PTPRD: variants seen among roughly 807,000 people sequenced by gnomAD.
PTPRD encodes the protein receptor-type tyrosine-protein phosphatase delta.
Under a neutral mutation model 214.5 loss-of-function variants are expected in PTPRD, and 34 were observed. The observed-to-expected ratio is 0.16, with a 90% CI of 0.12 to 0.21. The LOEUF is 0.21. PTPRD is among the 10% of genes least tolerant of loss of function. The pLI is 1.00. For synonymous variants in PTPRD, 1,128 were observed against 845.7 expected (o/e 1.33, Z -5.79); for missense variants, 2,545 against 2,398.7 (o/e 1.06, Z -1.27).
chr9:10,417,272 C>T (rs542016803), intron 2 of PTPRD, among the ~76,000 whole-genome samples: 5 of 151,902 alleles, frequency 3.3e-5, no homozygotes, highest in African/African-American at 7.2e-5. Context: ...TTCTAATAAT[C>T]GACCTGTGTA....
chr9:10,072,125 G>A (rs904530571), intron 3 of PTPRD, among the ~76,000 whole-genome samples: 1 of 151,758 alleles, frequency 6.6e-6, no homozygotes, highest in African/African-American at 2.4e-5. Flanking sequence ...ACTTGTATAT[G>A]AAATATACAA....
At chr9:10,040,599 T>G (rs1307401163) in intron 3 of PTPRD, among the ~76,000 whole-genome samples, 1 of 152,052 alleles carries the variant, frequency 6.6e-6, no homozygotes, top group Non-Finnish European at 1.5e-5. Context: ...AGAGGCTATA[T>G]TTGGTTTCTG....
At chr9:9,100,298 A>G (rs2099789507) in intron 10 of PTPRD, among the ~76,000 whole-genome samples, 2 of 152,178 alleles carry the variant, frequency 1.3e-5, no homozygotes, top group Admixed American at 1.3e-4. Flanking sequence ...ATATGCCTGC[A>G]ACCCTGTAGC....
intron 8 of PTPRD, among the ~76,000 whole-genome samples, chr9:9,511,906 A>C (rs16924732): frequency 0.075 from 11,317 of 151,820 alleles, 459 homozygotes; most frequent in South Asian, 0.13. Flanking sequence ...TTTTCATAGA[A>C]GACCTAAAAC....
chr9:9,925,829 T>C (rs1293768004), intron 5 of PTPRD, among the ~76,000 whole-genome samples: 1 of 151,976 alleles, frequency 6.6e-6, no homozygotes, highest in Non-Finnish European at 1.5e-5. Context: ...AATCTCCCTT[T>C]GTTTGTTTGT....
chr9:8,479,460 G>C (rs2096834807), intron 30 of PTPRD, among the ~76,000 whole-genome samples: 1 of 152,128 alleles, frequency 6.6e-6, no homozygotes, highest in Admixed American at 6.5e-5. Flanking sequence ...TCTCATTTCT[G>C]TGATGTCAAA....
intron 4 of PTPRD, among the ~76,000 whole-genome samples, chr9:9,965,165 T>C (rs530109450): frequency 1.3e-5 from 2 of 152,186 alleles, no homozygotes; most frequent in African/African-American, 4.8e-5. Flanking sequence ...CCCTTAAAAA[T>C]TGCAAGAATA....
At chr9:9,485,442 T>A (rs1191293052) in intron 8 of PTPRD, among the ~76,000 whole-genome samples, 2 of 152,226 alleles carry the variant, frequency 1.3e-5, no homozygotes. Context: ...AATCTTAAAT[T>A]TTGATCACTT....
intron 7 of PTPRD, among the ~76,000 whole-genome samples, chr9:9,589,194 G>A (rs1305647297): frequency 6.6e-6 from 1 of 151,908 alleles, no homozygotes; most frequent in Non-Finnish European, 1.5e-5. Context: ...TTTATTTGGT[G>A]TGTATTTTTA....
At chr9:10,553,970 T>C (rs1321734686) in intron 2 of PTPRD, among the ~76,000 whole-genome samples, 2 of 152,174 alleles carry the variant, frequency 1.3e-5, no homozygotes, top group African/African-American at 2.4e-5. Context: ...TCTACCAATA[T>C]TGTTCTTTAA....
chr9:9,349,412 T>C (rs1178619163), intron 9 of PTPRD, among the ~76,000 whole-genome samples: 1 of 152,048 alleles, frequency 6.6e-6, no homozygotes, highest in Non-Finnish European at 1.5e-5. Flanking sequence ...ACAGAAACAC[T>C]GCAAGCAAGC....
intron 3 of PTPRD, among the ~76,000 whole-genome samples, chr9:10,057,831 G>A (rs1302286829): frequency 7.0e-6 from 1 of 143,384 alleles, no homozygotes; most frequent in Non-Finnish European, 1.5e-5. Context: ...AACAGAGTGA[G>A]ACTCCGTCTC....
intron 3 of PTPRD, among the ~76,000 whole-genome samples, chr9:10,198,131 A>G (rs1232395679): frequency 1.3e-5 from 2 of 152,146 alleles, no homozygotes; most frequent in African/African-American, 4.8e-5. Flanking sequence ...GTACTTTCAT[A>G]TTGTATATAT....
intron 2 of PTPRD, among the ~76,000 whole-genome samples, chr9:10,389,042 G>C (rs575993058): frequency 5.9e-5 from 9 of 151,820 alleles, no homozygotes; most frequent in African/African-American, 2.2e-4. Context: ...TTGTGATTTT[G>C]GCCCATATGT....
chr9:8,837,515 T>C lies in PTPRD; in HGVS notation c.-103-103569A>G, dbSNP rs79405825. Among the ~76,000 whole-genome samples the C allele has an allele frequency of 4.8e-3, 730 of 152,240 alleles. 4 individuals are homozygous for C. Among genetic ancestry groups the C allele is most frequent in the African/African-American group, 0.017 (702 of 41,506 alleles). On this transcript the variant is annotated intron_variant, in intron 11 of 45. Transcript: ENST00000381196. ...TTCCTTTTTTTGTTTTGTTTTGTTT[T>C]GTTTTGAGAAGAGGTCTCACTCTGT...
chr9:9,524,405 A>C (rs2073509871), intron 8 of PTPRD, among the ~76,000 whole-genome samples: 1 of 152,138 alleles, frequency 6.6e-6, no homozygotes, highest in South Asian at 2.1e-4. Context: ...TGCTTATTTA[A>C]ATATTCTCCT....
intron 4 of PTPRD, among the ~76,000 whole-genome samples, chr9:9,943,724 T>C (rs1425021762): frequency 6.6e-6 from 1 of 152,148 alleles, no homozygotes; most frequent in Non-Finnish European, 1.5e-5. Flanking sequence ...TGTGCAGTTC[T>C]CTAGAGGAAG....
chr9:9,617,748 T>A (rs544148470), intron 7 of PTPRD, among the ~76,000 whole-genome samples: 1 of 152,050 alleles, frequency 6.6e-6, no homozygotes, highest in East Asian at 1.9e-4. Flanking sequence ...GGAAGGATGT[T>A]TAGATGTTTT....
At chr9:10,413,006 A>T (rs948641407) in intron 2 of PTPRD, among the ~76,000 whole-genome samples, 1 of 151,958 alleles carries the variant, frequency 6.6e-6, no homozygotes, top group Non-Finnish European at 1.5e-5. Context: ...AACCAACATC[A>T]TACCAAAAAG....
Sources: allele counts gnomAD v4.1 joint callset (sites outside exome capture counted in the v4.1 genomes callset), GRCh38; gene constraint gnomAD v4.1.1; transcripts MANE v1.5; gene names NCBI Gene and HGNC (gene_info 2026-07-23, HGNC 2026-07-21).